Variants in WASF1 observed in about 807,000 individuals in gnomAD.
The protein encoded by WASF1 is actin-binding protein WASF1.
A neutral mutation model predicts 50.5 loss-of-function variants in WASF1; 7 were observed. The observed-to-expected ratio is 0.14, with a 90% CI of 0.08 to 0.26. The LOEUF (loss-of-function observed/expected upper bound fraction) is 0.26. Ranked by LOEUF, WASF1 falls within the 10% of genes least tolerant of loss-of-function variation. The pLI, the probability that WASF1 is intolerant of heterozygous loss-of-function variation, is 1.00. For synonymous variants in WASF1, 205 were observed against 244.0 expected (o/e 0.84, Z 1.49); for missense variants, 470 against 694.7 (o/e 0.68, Z 3.64).
chr6:110,167,766 C>A (rs143712088), intron 2 of WASF1, among the ~76,000 whole-genome samples: 1 of 152,076 alleles, frequency 6.6e-6, no homozygotes, highest in East Asian at 1.9e-4. Context: ...ATAGAAACAA[C>A]ATAATTAAAA....
chr6:110,158,392 C>T (rs1248103503), intron 3 of WASF1, among the ~76,000 whole-genome samples: 7 of 124,578 alleles, frequency 5.6e-5, no homozygotes, highest in African/African-American at 1.0e-4. Context: ...TCTGTGGGAT[C>T]GGTGGTGATA....
intron 4 of WASF1, among the ~76,000 whole-genome samples, chr6:110,114,211 A>G (rs1483707987): frequency 2.0e-5 from 3 of 152,162 alleles, no homozygotes; most frequent in Non-Finnish European, 4.4e-5. Flanking sequence ...ATTTTCCATC[A>G]TGTTTTATGC....
intron 4 of WASF1, among the ~76,000 whole-genome samples, chr6:110,120,567 T>G (rs533172926): frequency 1.3e-5 from 2 of 150,278 alleles, no homozygotes; most frequent in Non-Finnish European, 3.0e-5. Flanking sequence ...ACATTCCATG[T>G]TCATGGATAG....
chr6:110,121,334 T>C (rs1184686632), intron 4 of WASF1, among the ~76,000 whole-genome samples: 2 of 151,816 alleles, frequency 1.3e-5, no homozygotes, highest in Admixed American at 6.6e-5. Context: ...TTAAACAAAT[T>C]TATAAGAAAA....
Position 110,100,959 on chromosome 6 carries a change from A to G in WASF1, c.1523-280T>C, listed in dbSNP as rs538802460. On this transcript the variant is annotated intron_variant, in intron 10 of 10. Coordinates refer to ENST00000392589, the MANE Select transcript of WASF1 (RefSeq NM_003931.3). Reference sequence around the variant, plus strand: ...CCTGCTCACCACCCCCTAAAAAATTAATGAGGTGGTACATTTCTTCTATCA... The same window carrying G: ...CCTGCTCACCACCCCCTAAAAAATTGATGAGGTGGTACATTTCTTCTATCA... Among the ~76,000 whole-genome samples the G allele has an allele frequency of 3.9e-5, 6 of 152,276 alleles. No homozygotes were observed. The South Asian group carries it at 1.2e-3, about 32-fold the overall frequency.
At chr6:110,154,648 T>C (rs931421115) in intron 3 of WASF1, among the ~76,000 whole-genome samples, 4 of 152,102 alleles carry the variant, frequency 2.6e-5, no homozygotes, top group Non-Finnish European at 4.4e-5. Context: ...TTTCTGTTGA[T>C]TAATAAAATT....
At chr6:110,135,164 C>T (rs1410365785) in intron 3 of WASF1, among the ~76,000 whole-genome samples, 1 of 152,114 alleles carries the variant, frequency 6.6e-6, no homozygotes, top group Non-Finnish European at 1.5e-5. Context: ...GGATTTGATT[C>T]TCAGCTTGGT....
intron 4 of WASF1, among the ~76,000 whole-genome samples, chr6:110,122,261 TAGA>T (rs72462419): frequency 0.073 from 10,673 of 146,504 alleles, 512 homozygotes; most frequent in African/African-American, 0.14. Flanking sequence ...AAAGAAGACA[TAGA>T]AGAAGTGGTG....
chr6:110,100,434 A>C lies in WASF1; in HGVS notation c.*88T>G. On this transcript the variant is annotated 3_prime_UTR_variant, in exon 11 of 11. Transcript: ENST00000392589. ...ATTTATTATAAGGAAAAGAAAGCAAAACACTAGAATGACCAAACATTTTCA... is the reference window on the plus strand; with the variant it reads ...ATTTATTATAAGGAAAAGAAAGCAACACACTAGAATGACCAAACATTTTCA... 1 of 1,271,280 alleles carries C rather than the reference A, an allele frequency of 7.9e-7. No individual in the cohort carries two copies. The highest frequency in any genetic ancestry group is 1.0e-6 in the Non-Finnish European group (1 of 963,152). The allele number at this position is 1,271,280 out of a possible 1,614,324, so 78.7% of individuals were successfully genotyped here.
chr6:110,105,487 T>C lies in WASF1; in HGVS notation c.633A>G (p.Pro211=), dbSNP rs753219400. The C allele has an allele frequency of 1.9e-6, 3 of 1,614,116 alleles. No individual in the cohort carries two copies. The highest frequency in any genetic ancestry group is 2.5e-6 in the Non-Finnish European group (3 of 1,179,974). The change falls in exon 8 of 11, where the codon CCA becomes CCG. Residue 211 remains proline (P), a synonymous_variant. Coordinates refer to ENST00000392589, the MANE Select transcript of WASF1 (RefSeq NM_003931.3). ...GATTAGCATCATCTTCAGCCAGCTC[T>C]GGACCTTGGGCCAGCTTCTGCCATT... The part of the protein sequence containing the change: ...RREWQKLAQG[P]ELAEDDANLL...
Position 110,100,576 on chromosome 6 carries a change from T to C in WASF1, c.1626A>G (p.Glu542=), listed in dbSNP as rs140022205. The change falls in exon 11 of 11, where the codon GAA becomes GAG. Residue 542 remains glutamate, a synonymous_variant. Transcript: ENST00000392589. ...ATILSRRIAV[E]YSDSEDDSEF... ...CTGAATCATCTTCCGAATCACTATA[T>C]TCAACAGCAATACGGCGAGACAGGA... The C allele has an allele frequency of 5.6e-6, 9 of 1,613,672 alleles. No individual in the cohort carries two copies. The African/African-American group carries it at 1.2e-4, about 22-fold the overall frequency.
At chr6:110,111,470 T>C (rs1035362713) in intron 5 of WASF1, among the ~76,000 whole-genome samples, 3 of 151,480 alleles carry the variant, frequency 2.0e-5, no homozygotes, top group Admixed American at 6.6e-5. Context: ...AAGTCAAAAA[T>C]AAAAACACGA....
chr6:110,136,881 T>C (rs1194772881), intron 3 of WASF1, among the ~76,000 whole-genome samples: 1 of 152,226 alleles, frequency 6.6e-6, no homozygotes, highest in Non-Finnish European at 1.5e-5. Flanking sequence ...AATGATAACA[T>C]TCCCTGATCC....
intron 5 of WASF1, 83 bp downstream of exon 5, chr6:110,113,243 T>C: frequency 8.3e-7 from 1 of 1,205,308 alleles, no homozygotes; most frequent in Non-Finnish European, 1.1e-6. Context: ...AATAAATTCA[T>C]GATTAATACT....
intron 2 of WASF1, among the ~76,000 whole-genome samples, chr6:110,168,090 T>C (rs1049896883): frequency 6.6e-6 from 1 of 152,048 alleles, no homozygotes; most frequent in Admixed American, 6.6e-5. Flanking sequence ...CCTCAAAGAA[T>C]ATTTAATTAG....
chr6:110,131,983 T>C (rs967164193), intron 3 of WASF1, among the ~76,000 whole-genome samples: 1 of 152,202 alleles, frequency 6.6e-6, no homozygotes, highest in East Asian at 1.9e-4. Context: ...ATTAAACCTA[T>C]CATATTGGGA....
chr6:110,115,812 G>T (rs951865060), intron 4 of WASF1, among the ~76,000 whole-genome samples: 16 of 152,216 alleles, frequency 1.1e-4, no homozygotes, highest in Non-Finnish European at 2.9e-5. Flanking sequence ...TAAAATTTGA[G>T]AAAACTGTGT....
In WASF1 at chr6:110,127,647, T is replaced by C; in HGVS notation, c.-28-18A>G. 6.8e-7 allele frequency: 1 copy of C among 1,468,210 alleles called. No homozygotes were observed. The highest frequency in any genetic ancestry group is 9.0e-7 in the Non-Finnish European group (1 of 1,109,340). The allele number at this position is 1,468,210 out of a possible 1,614,324, so 90.9% of individuals were successfully genotyped here. A position where few individuals can be genotyped will look rare whatever the true frequency, so the allele number is the denominator to read the frequency against. ...CAGTTCACCTGTAGGAAATCAAAAA[T>C]AAATTAACAATATTAAATTTCAGCC... On this transcript the variant is annotated intron_variant, in intron 3 of 10. Coordinates refer to ENST00000392589, the MANE Select transcript of WASF1 (RefSeq NM_003931.3).
chr6:110,106,134 G>A (rs1057374844), intron 7 of WASF1, among the ~76,000 whole-genome samples: 2 of 152,226 alleles, frequency 1.3e-5, no homozygotes, highest in Non-Finnish European at 2.9e-5. Flanking sequence ...GAAAGGGCTA[G>A]AGTAAGTGTA....
Sources: allele counts gnomAD v4.1 joint callset (sites outside exome capture counted in the v4.1 genomes callset), GRCh38; gene constraint gnomAD v4.1.1; transcripts MANE v1.5; gene names NCBI Gene and HGNC (gene_info 2026-07-23, HGNC 2026-07-21).